Variants in HDAC10 observed in about 807,000 individuals in gnomAD.
HDAC10 encodes histone deacetylase 10.
HDAC10 carries 90 observed loss-of-function variants against 82.3 expected under a neutral mutation model. That is an observed-to-expected ratio of 1.09 (90% CI 0.92 to 1.30). The LOEUF is 1.30. Among genes scored for constraint, HDAC10 ranks in the 50% most tolerant of loss-of-function variants. The pLI, the probability that HDAC10 is intolerant of heterozygous loss-of-function variation, is 0.00. For synonymous variants in HDAC10, 456 were observed against 391.7 expected (o/e 1.16, Z -1.94); for missense variants, 934 against 876.3 (o/e 1.07, Z -0.83).
Position 50,251,155 on chromosome 22 carries a change from G to A in HDAC10, c.-123C>T, listed in dbSNP as rs1030537124. ...GACCTGCCTGGGGCGCAGGCGGGCG[G>A]CGGGCACCGGCCTGGGCGGGAGCGC... On this transcript the variant is annotated 5_prime_UTR_variant, in exon 1 of 20. Coordinates refer to ENST00000216271, the MANE Select transcript of HDAC10 (RefSeq NM_032019.6). 7 of 1,015,720 alleles carry A rather than the reference G, an allele frequency of 6.9e-6. No homozygotes were observed. Among genetic ancestry groups the A allele is most frequent in the Non-Finnish European group, 1.0e-5 (7 of 695,304 alleles). 62.9% of individuals were successfully genotyped at this position (1,015,720 alleles called of 1,614,324 possible).
chr22:50,250,690 C>A, intron 2 of HDAC10, 81 bp downstream of exon 2: 3 of 1,434,454 alleles, frequency 2.1e-6, no homozygotes, highest in East Asian at 4.9e-5. Context: ...GGCTGGCAGG[C>A]TCGGGGTAGG....
rs779497204 is a variant in HDAC10, at chr22:50,249,707, G to A, written c.495-4C>T. 1.3e-5 allele frequency: 21 copies of A among 1,612,562 alleles called. No homozygotes were observed. The highest frequency in any genetic ancestry group is 3.3e-4 in the Middle Eastern group (2 of 6,060). On this transcript the variant is annotated splice_region_variant and splice_polypyrimidine_tract_variant and intron_variant, in intron 5 of 19. Coordinates refer to ENST00000216271, the MANE Select transcript of HDAC10 (RefSeq NM_032019.6). This position sits in a 1 kb window ranked among gnomAD's most constrained non-coding sequence, Gnocchi z 4.4. Reference sequence around the variant, plus strand: ...ATCCCAGTCCACGACGAGGATCCTGGGTACAGACAGCGCTGGTGGCAAAGG... The same window carrying A: ...ATCCCAGTCCACGACGAGGATCCTGAGTACAGACAGCGCTGGTGGCAAAGG...
chr22:50,246,640 C>G, intron 16 of HDAC10, 39 bp downstream of exon 16: 2 of 1,591,356 alleles, frequency 1.3e-6, no homozygotes, highest in Non-Finnish European at 1.7e-6. Flanking sequence ...TGCCCGTCCA[C>G]ATGCATGGCT....
Position 50,249,206 on chromosome 22 carries a change from G to A in HDAC10, c.691-38C>T. ...CCCAGGCTACATCCTGAACTGTGGG[G>A]CAGGGGAGGGGCCCGGGGGAGGGGG... On this transcript the variant is annotated intron_variant, in intron 7 of 19. Coordinates refer to ENST00000216271, the MANE Select transcript of HDAC10 (RefSeq NM_032019.6). The surrounding 1 kb of genome is among the most constrained non-coding windows in gnomAD (Gnocchi z 4.4). 6.9e-7 allele frequency: 1 copy of A among 1,444,706 alleles called. No individual in the cohort carries two copies. The highest frequency in any genetic ancestry group is 9.4e-7 in the Non-Finnish European group (1 of 1,058,682). 89.5% of individuals were successfully genotyped at this position (1,444,706 alleles called of 1,614,324 possible). A position where few individuals can be genotyped will look rare whatever the true frequency, so the allele number is the denominator to read the frequency against.
In HDAC10 at chr22:50,245,291, G is replaced by A. The variant is rs2064911866; in HGVS notation, c.*216C>T. ...TGGGTTGCATGGGCCTCGATGGGAC[G>A]GGCCGGGGCGCGATGGGTGGGGCGG... On this transcript the variant is annotated 3_prime_UTR_variant, in exon 20 of 20. Coordinates refer to ENST00000216271, the MANE Select transcript of HDAC10 (RefSeq NM_032019.6). 6.5e-6 allele frequency: 4 copies of A among 611,250 alleles called. No homozygotes were observed. The highest frequency in any genetic ancestry group is 5.6e-5 in the South Asian group (3 of 53,546). 37.9% of individuals were successfully genotyped at this position (611,250 alleles called of 1,614,324 possible).
Position 50,248,818 on chromosome 22 carries a change from G to A in HDAC10, c.816+13C>T. The A allele has an allele frequency of 6.2e-7, 1 of 1,609,444 alleles. No homozygotes were observed. The highest frequency in any genetic ancestry group is 8.5e-7 in the Non-Finnish European group (1 of 1,178,336). On this transcript the variant is annotated intron_variant, in intron 9 of 19. Coordinates refer to ENST00000216271, the MANE Select transcript of HDAC10 (RefSeq NM_032019.6). This position sits in a 1 kb window ranked among gnomAD's most constrained non-coding sequence, Gnocchi z 5.4. The stretch of plus-strand genomic sequence containing the variant: ...GACCCCAGAAGCCCTCCCTGGCAAG[G>A]CAAGGCCCTCACCTCAGGGTCCCCG...
Position 50,248,748 on chromosome 22 carries a change from G to T in HDAC10, c.820C>A (p.Gln274Lys), listed in dbSNP as rs568084821. The change falls in exon 10 of 20, where the codon CAA becomes AAA. Residue 274 changes from glutamine to lysine, a missense_variant. Coordinates refer to ENST00000216271, the MANE Select transcript of HDAC10 (RefSeq NM_032019.6). The surrounding 1 kb of genome is among the most constrained non-coding windows in gnomAD (Gnocchi z 5.4). ...AAGCACTCTGGCGTGGCCTGCATTT[G>T]CCCCTGGAACCAGAGCCATGTGTGA... ...FDSAIGDPEG[Q>K]MQATPECFAH... 1 of 1,583,696 alleles carries T rather than the reference G, an allele frequency of 6.3e-7. No homozygotes were observed. Among genetic ancestry groups the T allele is most frequent in the South Asian group, 1.1e-5 (1 of 87,352 alleles).
In HDAC10 at chr22:50,247,776, C is replaced by A. The variant is rs1001485241; in HGVS notation, c.1338G>T (p.Arg446Ser). 1 of 1,611,338 alleles carries A rather than the reference C, an allele frequency of 6.2e-7. No individual in the cohort carries two copies. The highest frequency in any genetic ancestry group is 8.5e-7 in the Non-Finnish European group (1 of 1,178,716). ...ALREETEAWA[R>S]PHESLAREEA... Reference sequence around the variant, plus strand: ...CCTCCCGGGCCAGGGACTCGTGTGGCCTGTGGTGGACAGACCAGAGGGACA... The same window carrying A: ...CCTCCCGGGCCAGGGACTCGTGTGGACTGTGGTGGACAGACCAGAGGGACA... Residue 446 changes from arginine to serine, a missense_variant and splice_region_variant, in exon 14 of 20, where the codon AGG becomes AGT. By Grantham distance (110) the Arg-to-Ser change is moderately radical. Coordinates refer to ENST00000216271, the MANE Select transcript of HDAC10 (RefSeq NM_032019.6).
rs761750677 is a variant in HDAC10 at position 50,248,787 on chromosome 22, C to A, written c.817-36G>T. 1.3e-5 allele frequency: 20 copies of A among 1,597,962 alleles called. No homozygotes were observed. In the East Asian group the frequency reaches 4.3e-4, roughly 34 times the overall value. Reference sequence around the variant, plus strand: ...AGCCATGTGTGATGGGGGACCTGGGCCCCAGGACCCCAGAAGCCCTCCCTG... The same window carrying A: ...AGCCATGTGTGATGGGGGACCTGGGACCCAGGACCCCAGAAGCCCTCCCTG... On this transcript the variant is annotated intron_variant, in intron 9 of 19. Transcript: ENST00000216271. The surrounding 1 kb of genome is among the most constrained non-coding windows in gnomAD (Gnocchi z 5.4).
At chr22:50,247,618 C>G in intron 14 of HDAC10, 74 bp downstream of exon 14, 1 of 1,079,124 alleles carries the variant, frequency 9.3e-7, no homozygotes, top group African/African-American at 1.6e-5. Context: ...TCTGGACAGG[C>G]CACATCTCGT....
At position 50,249,060 on chromosome 22, in the gene HDAC10, C is replaced by A. The variant is rs1023961571; in HGVS notation, c.756+43G>T. 1.3e-6 allele frequency: 2 copies of A among 1,529,380 alleles called. No individual in the cohort carries two copies. The highest frequency in any genetic ancestry group is 2.4e-5 in the East Asian group (1 of 41,874). 94.7% of individuals were successfully genotyped at this position (1,529,380 alleles called of 1,614,324 possible). On this transcript the variant is annotated intron_variant, in intron 8 of 19. Coordinates refer to ENST00000216271, the MANE Select transcript of HDAC10 (RefSeq NM_032019.6). This position sits in a 1 kb window ranked among gnomAD's most constrained non-coding sequence, Gnocchi z 4.4. ...CTGGCGCACTCCAGGCACAAGGTCC[C>A]CCTCCCACCCGGCTGCCCTGGGGGA...
Position 50,246,254 on chromosome 22 carries a change from T to C in HDAC10, c.1650+44A>G, listed in dbSNP as rs556717429. 5 of 1,571,596 alleles carry C rather than the reference T, an allele frequency of 3.2e-6. No individual in the cohort carries two copies. The African/African-American group carries it at 5.4e-5, about 17-fold the overall frequency. ...AGCAAACAGCAGCTGTACACATCCA[T>C]GGGCTCCCCAGCACCTGCCTTGCCG... On this transcript the variant is annotated intron_variant, in intron 17 of 19. Coordinates refer to ENST00000216271, the MANE Select transcript of HDAC10 (RefSeq NM_032019.6).
chr22:50,247,485 C>G (rs1251661119), intron 14 of HDAC10: 3 of 488,604 alleles, frequency 6.1e-6, no homozygotes, highest in African/African-American at 5.8e-5. Flanking sequence ...GAGCATTTAA[C>G]TGAAGAAGCT....
rs374630417 is a variant in HDAC10, at chr22:50,248,191, G to A, written c.1081+34C>T. 3.2e-4 allele frequency: 510 copies of A among 1,604,252 alleles called. 2 individuals carry two copies. Among genetic ancestry groups the A allele is most frequent in the Non-Finnish European group, 4.1e-4 (484 of 1,175,884 alleles). On this transcript the variant is annotated intron_variant, in intron 12 of 19. Coordinates refer to ENST00000216271, the MANE Select transcript of HDAC10 (RefSeq NM_032019.6). The surrounding 1 kb of genome is among the most constrained non-coding windows in gnomAD (Gnocchi z 5.4). Reference sequence around the variant, plus strand: ...TAGCCACTGCACAGGAGCCCGAGGTGGGATCCTGCAGCCTAGCACCCGGCC... The same window carrying A: ...TAGCCACTGCACAGGAGCCCGAGGTAGGATCCTGCAGCCTAGCACCCGGCC...
At chr22:50,246,494 G>T in intron 16 of HDAC10, 118 bp from the exon 17 acceptor site, 1 of 1,056,104 alleles carries the variant, frequency 9.5e-7, no homozygotes, top group Non-Finnish European at 1.4e-6. Flanking sequence ...TGACTGCTGA[G>T]CCTCTGTGCT....
At chr22:50,246,616 A>C in intron 16 of HDAC10, 63 bp downstream of exon 16, 1 of 1,475,178 alleles carries the variant, frequency 6.8e-7, no homozygotes, top group Non-Finnish European at 9.4e-7. Flanking sequence ...GGGCCCAGGC[A>C]CACGTCCATC....
In HDAC10 at chr22:50,250,128, C is replaced by T. The variant is rs1191050412; in HGVS notation, c.324G>A (p.Gly108=). 5 of 1,612,558 alleles carry T rather than the reference C, an allele frequency of 3.1e-6. No individual in the cohort carries two copies. The highest frequency in any genetic ancestry group is 4.2e-6 in the Non-Finnish European group (5 of 1,179,958). Residue 108 remains glycine (G), a synonymous_variant, in exon 4 of 20, where the codon GGG becomes GGA. Transcript: ENST00000216271. ...STFHCARLAA[G]AGLQLVDAVL... is the part of the protein sequence containing the mutation. ...CAGCGTCCACCAGCTGCAGTCCAGC[C>T]CCTGCGGCCAGCCGCGCGCAGTGAA...
At position 50,249,943 on chromosome 22, in the gene HDAC10, C is replaced by T; in HGVS notation, c.411G>A (p.Gln137=). ...CACAGAACCCGTTGGCAGCCGCCCT[C>T]TGGCCATGGTGCCCGGGAGGCCTAC... ...ALVRPPGHHG[Q]RAAANGFCVF... The change falls in exon 5 of 20, where the codon CAG becomes CAA. Residue 137 remains glutamine, a synonymous_variant. Coordinates refer to ENST00000216271, the MANE Select transcript of HDAC10 (RefSeq NM_032019.6). The surrounding 1 kb of genome is among the most constrained non-coding windows in gnomAD (Gnocchi z 4.4). 1 of 1,612,876 alleles carries T rather than the reference C, an allele frequency of 6.2e-7. No homozygotes were observed. The highest frequency in any genetic ancestry group is 1.1e-5 in the South Asian group (1 of 91,084).
chr22:50,250,912 C>T lies in HDAC10; in HGVS notation c.60-7G>A. ...CTCGATCTCGCACTCGGGGCTGGGGCAGATGAGGAGCTCAGTTCAGAGGTC... is the reference window on the plus strand; with the variant it reads ...CTCGATCTCGCACTCGGGGCTGGGGTAGATGAGGAGCTCAGTTCAGAGGTC... On this transcript the variant is annotated splice_region_variant and splice_polypyrimidine_tract_variant and intron_variant, in intron 1 of 19. Coordinates refer to ENST00000216271, the MANE Select transcript of HDAC10 (RefSeq NM_032019.6). 6.2e-7 allele frequency: 1 copy of T among 1,604,556 alleles called. No homozygotes were observed. Among genetic ancestry groups the T allele is most frequent in the Non-Finnish European group, 8.5e-7 (1 of 1,175,542 alleles).
Sources: allele counts gnomAD v4.1 joint callset, GRCh38; gene constraint gnomAD v4.1.1; non-coding constraint Gnocchi (gnomAD v3.1); transcripts MANE v1.5; gene names NCBI Gene and HGNC (gene_info 2026-07-23, HGNC 2026-07-21).